KAZN: variants seen among roughly 807,000 people sequenced by gnomAD.
The protein encoded by KAZN is kazrin.
KAZN carries 40 observed loss-of-function variants against 87.4 expected under a neutral mutation model. The ratio of observed to expected loss-of-function variants is 0.46; its 90% CI spans 0.36 to 0.60. KAZN has a LOEUF of 0.60. Among genes scored for constraint, KAZN ranks in the 20% least tolerant of loss-of-function variants. KAZN has a pLI of 0.00. For missense variants in KAZN, 898 were observed against 1,073.9 expected (o/e 0.84, Z 2.29); for synonymous variants, 466 against 458.3 (o/e 1.02, Z -0.22).
chr1:15,018,076 T>G (rs553498111), intron 2 of KAZN, among the ~76,000 whole-genome samples: 2 of 152,132 alleles, frequency 1.3e-5, no homozygotes, highest in African/African-American at 4.8e-5. Flanking sequence ...TCCCCCTCCA[T>G]TTTTCTGGGC....
chr1:14,971,671 TTTTC>T (rs1557673400), intron 2 of KAZN, among the ~76,000 whole-genome samples: 11 of 146,040 alleles, frequency 7.5e-5, no homozygotes, highest in African/African-American at 2.9e-4. Flanking sequence ...GTTTTTTTTT[TTTTC>T]TTTTTCTTTT....
intron 2 of KAZN, among the ~76,000 whole-genome samples, chr1:14,523,392 C>T (rs139311792): frequency 6.6e-6 from 1 of 152,340 alleles, no homozygotes; most frequent in African/African-American, 2.4e-5. Context: ...CAGTGGGCAG[C>T]TCCAACTCTC....
chr1:13,952,846 C>T (rs1641404446), intron 1 of KAZN, among the ~76,000 whole-genome samples: 1 of 152,122 alleles, frequency 6.6e-6, no homozygotes, highest in South Asian at 2.1e-4. Flanking sequence ...TGTCCCTATC[C>T]CTCTCTGGAT....
intron 2 of KAZN, among the ~76,000 whole-genome samples, chr1:14,218,672 G>T (rs1647021674): frequency 6.6e-6 from 1 of 152,080 alleles, no homozygotes; most frequent in Non-Finnish European, 1.5e-5. Context: ...CATAAGGATA[G>T]AAAATAATTT....
chr1:14,886,443 C>T (rs1427498469), intron 1 of KAZN, among the ~76,000 whole-genome samples: 1 of 150,506 alleles, frequency 6.6e-6, no homozygotes, highest in East Asian at 2.0e-4. Context: ...CACATACACA[C>T]ACACACACAC....
chr1:15,101,883 A>G, intron 11 of KAZN, 109 bp downstream of exon 11: 1 of 704,098 alleles, frequency 1.4e-6, no homozygotes, highest in South Asian at 1.7e-5. Context: ...CCATCTGTCC[A>G]CCCATCCATC....
intron 2 of KAZN, among the ~76,000 whole-genome samples, chr1:14,190,088 A>G (rs1646392454): frequency 6.6e-6 from 1 of 152,122 alleles, no homozygotes; most frequent in African/African-American, 2.4e-5. Context: ...CTGGTGATGA[A>G]CTGGGAGAAG....
intron 2 of KAZN, among the ~76,000 whole-genome samples, chr1:14,413,544 G>A (rs551941387): frequency 4.3e-4 from 60 of 137,936 alleles, no homozygotes; most frequent in Non-Finnish European, 7.9e-4. Flanking sequence ...AGCCGAGATC[G>A]CGCCACTGCA....
At chr1:14,971,675 C>T (rs370259920) in intron 2 of KAZN, among the ~76,000 whole-genome samples, 324 of 121,550 alleles carry the variant, frequency 2.7e-3, no homozygotes, top group Middle Eastern at 0.017. Flanking sequence ...TTTTTTTTTT[C>T]TTTTTCTTTT....
intron 1 of KAZN, among the ~76,000 whole-genome samples, chr1:14,900,166 C>T (rs918545951): frequency 5.3e-5 from 8 of 152,150 alleles, no homozygotes; most frequent in Admixed American, 3.9e-4. Context: ...GGGGTAGCTG[C>T]TGAGAGAAGC....
intron 6 of KAZN, chr1:15,063,027 T>G (rs934887970): frequency 6.5e-6 from 1 of 154,028 alleles, no homozygotes. Context: ...TCCAATTAGC[T>G]CCACGGTAGT....
At chr1:14,934,103 C>T (rs2101596057) in intron 1 of KAZN, among the ~76,000 whole-genome samples, 1 of 152,142 alleles carries the variant, frequency 6.6e-6, no homozygotes, top group East Asian at 1.9e-4. Flanking sequence ...GATCCGCCCG[C>T]CTCGGCCTCC....
At chr1:15,012,049 C>T (rs1243443890) in intron 2 of KAZN, among the ~76,000 whole-genome samples, 1 of 152,164 alleles carries the variant, frequency 6.6e-6, no homozygotes, top group Non-Finnish European at 1.5e-5. Flanking sequence ...TGGCAGCTAA[C>T]ACCATGGGCA....
chr1:14,431,165 G>A (rs1466686711), intron 2 of KAZN, among the ~76,000 whole-genome samples: 1 of 152,152 alleles, frequency 6.6e-6, no homozygotes, highest in Non-Finnish European at 1.5e-5. Flanking sequence ...TCTGAATTTG[G>A]CAATAATATT....
chr1:14,807,492 T>C (rs1037004146), intron 1 of KAZN, among the ~76,000 whole-genome samples: 1 of 152,138 alleles, frequency 6.6e-6, no homozygotes, highest in Non-Finnish European at 1.5e-5. Context: ...TTGAGGTCCA[T>C]GCATGGTGGC....
intron 2 of KAZN, among the ~76,000 whole-genome samples, chr1:14,229,872 C>T (rs1647644592): frequency 6.6e-6 from 1 of 152,262 alleles, no homozygotes; most frequent in Admixed American, 6.5e-5. Flanking sequence ...CCCTGTGGCT[C>T]ATTTGGTCCA....
intron 1 of KAZN, among the ~76,000 whole-genome samples, chr1:13,997,164 A>G (rs981904781): frequency 6.4e-5 from 9 of 140,576 alleles, no homozygotes; most frequent in Non-Finnish European, 1.1e-4. Context: ...AGCAAAAACA[A>G]CACCATCATC....
chr1:13,982,964 C>G (rs185245661), intron 1 of KAZN, among the ~76,000 whole-genome samples: 9 of 152,094 alleles, frequency 5.9e-5, no homozygotes, highest in Non-Finnish European at 1.3e-4. Flanking sequence ...AAACCCTGAG[C>G]TAGACACAGG....
At chr1:13,968,811 C>G (rs1207054953) in intron 1 of KAZN, among the ~76,000 whole-genome samples, 2 of 123,492 alleles carry the variant, frequency 1.6e-5, no homozygotes, top group African/African-American at 6.2e-5. Flanking sequence ...AACATCTACT[C>G]TACATTCTGT....
Sources: gnomAD v4.1 joint callset for allele counts (sites outside exome capture counted in the v4.1 genomes callset) on GRCh38, gnomAD v4.1.1 for gene constraint, MANE v1.5 for transcripts, NCBI Gene and HGNC (gene_info 2026-07-23, HGNC 2026-07-21) for gene names.